The following PTPRE variants were observed in gnomAD, a reference collection of about 807,000 sequenced individuals.
PTPRE encodes the protein protein tyrosine phosphatase receptor type E.
PTPRE carries 51 observed loss-of-function variants against 102.0 expected under a neutral mutation model. The observed-to-expected ratio is 0.50, with a 90% CI of 0.40 to 0.63. PTPRE has a LOEUF of 0.63. Among genes scored for constraint, PTPRE ranks in the 30% least tolerant of loss-of-function variants. The pLI, the probability that PTPRE is intolerant of heterozygous loss-of-function variation, is 0.00. For missense variants in PTPRE, 752 were observed against 915.1 expected (o/e 0.82, Z 2.30); for synonymous variants, 345 against 348.2 (o/e 0.99, Z 0.10).
chr10:127,971,838 C>G (rs1282432890), intron 1 of PTPRE, among the ~76,000 whole-genome samples: 1 of 152,204 alleles, frequency 6.6e-6, no homozygotes, highest in African/African-American at 2.4e-5. Context: ...GCCATGGGCA[C>G]CAGGAGAGCT....
At position 127,942,006 on chromosome 10, in the gene PTPRE, T is replaced by C. The variant is rs570271917; in HGVS notation, c.-31+34697T>C. Among the ~76,000 whole-genome samples, 23 of 152,050 alleles carry C rather than the reference T, an allele frequency of 1.5e-4. No individual in the cohort carries two copies. The South Asian group carries it at 4.8e-3, about 32-fold the overall frequency. ...AAGAAAACAGGCAAAATATTGATGT[T>C]TATCTGCAGAGCTGAATGTCTTTTT... is the stretch of plus-strand genomic sequence containing the variant. On this transcript the variant is annotated intron_variant, in intron 1 of 20. Coordinates refer to ENST00000254667, the MANE Select transcript of PTPRE (RefSeq NM_006504.6).
At chr10:127,981,861 CTAGA>C (rs1851650815) in intron 1 of PTPRE, among the ~76,000 whole-genome samples, 1 of 151,872 alleles carries the variant, frequency 6.6e-6, no homozygotes, top group Admixed American at 6.6e-5. Flanking sequence ...ATTGATCAGG[CTAGA>C]TAAAGATTAA....
chr10:128,081,726 A>G (rs544741533), intron 20 of PTPRE, among the ~76,000 whole-genome samples: 1 of 152,342 alleles, frequency 6.6e-6, no homozygotes, highest in African/African-American at 2.4e-5. Flanking sequence ...AGTAGCCAGA[A>G]GTGAGGACCC....
Position 127,949,963 on chromosome 10 carries a change from G to T in PTPRE, c.-30-32311G>T, listed in dbSNP as rs181558576. On this transcript the variant is annotated intron_variant, in intron 1 of 20. Coordinates refer to ENST00000254667, the MANE Select transcript of PTPRE (RefSeq NM_006504.6). ...ACCTCTGCCTGAGGGGATTAACTCTGATGGGACTCACAGCCTCCCCTGAGC... is the reference window on the plus strand; with the variant it reads ...ACCTCTGCCTGAGGGGATTAACTCTTATGGGACTCACAGCCTCCCCTGAGC... Among the ~76,000 whole-genome samples, 199 of 152,114 alleles carry T rather than the reference G, an allele frequency of 1.3e-3. 1 individual carries two copies. Among genetic ancestry groups the T allele is most frequent in the Non-Finnish European group, 8.8e-4 (60 of 67,994 alleles).
At chr10:128,079,796 G>A (rs1287785348) in intron 20 of PTPRE, 101 bp downstream of exon 20, 6 of 1,414,112 alleles carry the variant, frequency 4.2e-6, no homozygotes, top group African/African-American at 1.4e-5. Context: ...TGGGGGAGGT[G>A]GGAAGGTAAA....
intron 1 of PTPRE, among the ~76,000 whole-genome samples, chr10:127,910,124 G>A (rs368044005): frequency 6.6e-6 from 1 of 152,142 alleles, no homozygotes; most frequent in South Asian, 2.1e-4. Flanking sequence ...TATCCATTAG[G>A]GTAAAGACTG....
intron 2 of PTPRE, among the ~76,000 whole-genome samples, chr10:127,988,729 A>G (rs1368633485): frequency 2.0e-5 from 3 of 152,198 alleles, no homozygotes; most frequent in Non-Finnish European, 4.4e-5. Context: ...ATTGGGTACT[A>G]TGTTCACTAT....
At chr10:127,916,270 C>CCCATG (rs1564793967) in intron 1 of PTPRE, among the ~76,000 whole-genome samples, 1 of 152,068 alleles carries the variant, frequency 6.6e-6, no homozygotes, top group Non-Finnish European at 1.5e-5. Context: ...GGTGGTTTCC[C>CCCATG]CCATGCTGTT....
chr10:127,997,927 T>G (rs1390440847), intron 2 of PTPRE, among the ~76,000 whole-genome samples: 3 of 152,190 alleles, frequency 2.0e-5, no homozygotes, highest in African/African-American at 7.2e-5. Context: ...CTTCCATCTG[T>G]CCCCATTCGT....
At position 128,070,779 on chromosome 10, in the gene PTPRE, C is replaced by G; in HGVS notation, c.1294-29C>G. 1 of 1,598,438 alleles carries G rather than the reference C, an allele frequency of 6.3e-7. No homozygotes were observed. Among genetic ancestry groups the G allele is most frequent in the Non-Finnish European group, 8.6e-7 (1 of 1,166,074 alleles). ...GTGCTCAGGAGTGTCAGAGGTTTAACTGTGTCATTATATCCTTCTCTGCTG... is the reference window on the plus strand; with the variant it reads ...GTGCTCAGGAGTGTCAGAGGTTTAAGTGTGTCATTATATCCTTCTCTGCTG... On this transcript the variant is annotated intron_variant, in intron 14 of 20. Coordinates refer to ENST00000254667, the MANE Select transcript of PTPRE (RefSeq NM_006504.6). This position sits in a 1 kb window ranked among gnomAD's most constrained non-coding sequence, Gnocchi z 4.8.
intron 1 of PTPRE, among the ~76,000 whole-genome samples, chr10:127,960,762 G>A (rs1004796354): frequency 6.6e-5 from 10 of 152,196 alleles, no homozygotes; most frequent in African/African-American, 1.2e-4. Flanking sequence ...GGTGGCTCAC[G>A]CCTGTAATCC....
At chr10:127,998,051 G>A (rs567079950) in intron 2 of PTPRE, 3 of 152,178 alleles carry the variant, frequency 2.0e-5, no homozygotes, top group African/African-American at 7.2e-5. Context: ...GGAAGCAGTC[G>A]AACACACAGC....
chr10:128,036,116 C>G (rs1847194102), intron 2 of PTPRE, among the ~76,000 whole-genome samples: 1 of 150,826 alleles, frequency 6.6e-6, no homozygotes. Context: ...AAATCCCTTT[C>G]CTACCCTGGG....
chr10:127,970,826 A>G (rs1325047738), intron 1 of PTPRE, among the ~76,000 whole-genome samples: 1 of 151,528 alleles, frequency 6.6e-6, no homozygotes, highest in Non-Finnish European at 1.5e-5. Flanking sequence ...TCATATTCCT[A>G]TTCGTATCAT....
chr10:128,077,143 TCACTTGTA>T (rs1851274353), intron 18 of PTPRE, among the ~76,000 whole-genome samples: 2 of 152,250 alleles, frequency 1.3e-5, no homozygotes, highest in Non-Finnish European at 2.9e-5. Context: ...GTAGGATGAC[TCACTTGTA>T]CACAGGTCTT....
At chr10:128,082,722 T>C (rs1412507333) in intron 20 of PTPRE, 110 bp from the exon 21 acceptor site, 10 of 1,283,250 alleles carry the variant, frequency 7.8e-6, no homozygotes, top group Admixed American at 2.9e-5. Flanking sequence ...GTATATGGTA[T>C]TTTAATGAAT....
chr10:127,984,701 A>C (rs1351794629), intron 2 of PTPRE, among the ~76,000 whole-genome samples: 1 of 152,156 alleles, frequency 6.6e-6, no homozygotes, highest in Middle Eastern at 3.2e-3. Flanking sequence ...AAGTCTCACG[A>C]GATCTGATGG....
chr10:127,969,681 AAGGGG>A (rs1564837000), intron 1 of PTPRE, among the ~76,000 whole-genome samples: 1 of 94,960 alleles, frequency 1.1e-5, no homozygotes. Context: ...GAAAAAAAAA[AAGGGG>A]GGCGGGGGGA....
chr10:128,082,166 A>G (rs1357611752), intron 20 of PTPRE, among the ~76,000 whole-genome samples: 1 of 144,836 alleles, frequency 6.9e-6, no homozygotes, highest in Non-Finnish European at 1.5e-5. Context: ...TTTATCTGGC[A>G]ATGTTAGTAC....
Sources: allele counts gnomAD v4.1 joint callset (sites outside exome capture counted in the v4.1 genomes callset), GRCh38; gene constraint gnomAD v4.1.1; non-coding constraint Gnocchi (gnomAD v3.1); transcripts MANE v1.5; gene names NCBI Gene and HGNC (gene_info 2026-07-23, HGNC 2026-07-21).